TMCO4: variants seen among roughly 807,000 people sequenced by gnomAD.
The protein encoded by TMCO4 is transmembrane and coiled-coil domains 4, also known as transmembrane and coiled-coil domain-containing protein 4.
In TMCO4, 58 loss-of-function variants were observed where a neutral mutation model predicts 64.7. The observed-to-expected ratio is 0.90, with a 90% CI of 0.73 to 1.12. The LOEUF (loss-of-function observed/expected upper bound fraction) is 1.12, where lower values mean the gene tolerates loss of function less well. Ranked by LOEUF, TMCO4 falls within the 50% of genes most tolerant of loss-of-function variation. The pLI, the probability that TMCO4 is intolerant of heterozygous loss-of-function variation, is 0.00. For missense variants in TMCO4, 780 were observed against 825.9 expected, an observed-to-expected ratio of 0.94 and a Z score of 0.68; for synonymous variants, 325 against 346.1, an observed-to-expected ratio of 0.94 and a Z score of 0.68.
chr1:19,712,228 C>A (rs1243261008), intron 13 of TMCO4, among the ~76,000 whole-genome samples: 1 of 152,230 alleles, frequency 6.6e-6, no homozygotes, highest in African/African-American at 2.4e-5. Context: ...ACAACATTTA[C>A]TAAGTTCACC....
chr1:19,799,515 G>A (rs116776567), intron 1 of TMCO4, among the ~76,000 whole-genome samples: 2,646 of 152,326 alleles, frequency 0.017, 67 homozygotes, highest in African/African-American at 0.06. Context: ...TCAAGGGAGC[G>A]GCTGGGTGAC....
intron 2 of TMCO4, among the ~76,000 whole-genome samples, chr1:19,788,604 G>A (rs1321176784): frequency 6.6e-6 from 1 of 152,144 alleles, no homozygotes; most frequent in African/African-American, 2.4e-5. Context: ...GTGACAATCC[G>A]TTTTGTGCTT....
rs1479019018 is a variant in TMCO4, at chr1:19,700,829, C to A, written c.1321G>T (p.Ala441Ser). ...ILLGAPVEGEAKHWEPFRKVV... is the reference protein window; with the variant it reads ...ILLGAPVEGESKHWEPFRKVV... ...TTCCGGAAAGGCTCCCAATGCTTGG[C>A]TTCTCCCTCCACAGGCGCACCCAGC... The change falls in exon 14 of 16, where the codon GCC becomes TCC. Residue 441 changes from alanine (A) to serine (S), a missense_variant. Ala to Ser is a moderately conservative substitution (Grantham distance 99). Coordinates refer to ENST00000294543, the MANE Select transcript of TMCO4 (RefSeq NM_181719.7). The A allele has an allele frequency of 6.2e-7, 1 of 1,614,260 alleles. No homozygotes were observed. The highest frequency in any genetic ancestry group is 1.1e-5 in the South Asian group (1 of 91,084).
chr1:19,777,044 A>G (rs560106554), intron 4 of TMCO4, among the ~76,000 whole-genome samples: 43 of 151,542 alleles, frequency 2.8e-4, no homozygotes, highest in East Asian at 9.7e-4. Context: ...AAAAAAAAAA[A>G]AAAAAGAAAA....
intron 15 of TMCO4, among the ~76,000 whole-genome samples, chr1:19,689,814 T>C (rs1392822738): frequency 1.3e-5 from 2 of 152,252 alleles, no homozygotes; most frequent in African/African-American, 4.8e-5. Flanking sequence ...GCACCTTGAA[T>C]AGGACAGAGA....
At chr1:19,786,160 A>T (rs2043732479) in intron 3 of TMCO4, among the ~76,000 whole-genome samples, 1 of 152,218 alleles carries the variant, frequency 6.6e-6, no homozygotes, top group Non-Finnish European at 1.5e-5. Flanking sequence ...AGGCAGGAGC[A>T]TCGCTTAAGC....
At chr1:19,742,620 C>T (rs189644780) in intron 10 of TMCO4, among the ~76,000 whole-genome samples, 329 of 152,284 alleles carry the variant, frequency 2.2e-3, no homozygotes, top group African/African-American at 7.5e-3. Flanking sequence ...CACAGGACAG[C>T]GAGAAGCACA....
At chr1:19,729,392 C>G (rs1350554179) in intron 13 of TMCO4, among the ~76,000 whole-genome samples, 1 of 150,556 alleles carries the variant, frequency 6.6e-6, no homozygotes, top group Non-Finnish European at 1.5e-5. Flanking sequence ...AAGTGATCTG[C>G]CCACCTTGGC....
chr1:19,795,824 T>C (rs1052429099), intron 2 of TMCO4, among the ~76,000 whole-genome samples: 2 of 152,194 alleles, frequency 1.3e-5, no homozygotes, highest in Non-Finnish European at 2.9e-5. Flanking sequence ...AACCAGCAAA[T>C]TGGATGAATC....
chr1:19,751,294 G>A (rs1361613937), intron 7 of TMCO4, among the ~76,000 whole-genome samples: 1 of 152,194 alleles, frequency 6.6e-6, no homozygotes, highest in East Asian at 1.9e-4. Context: ...GGATGGACAT[G>A]TTGGCTAAAT....
chr1:19,687,151 C>T (rs1375088885), intron 15 of TMCO4, among the ~76,000 whole-genome samples: 2 of 152,116 alleles, frequency 1.3e-5, no homozygotes, highest in South Asian at 4.1e-4. Context: ...AGTATTTCAC[C>T]ATGTTGGCCG....
intron 6 of TMCO4, among the ~76,000 whole-genome samples, chr1:19,770,265 G>A (rs1299996979): frequency 1.3e-5 from 2 of 152,218 alleles, no homozygotes; most frequent in Non-Finnish European, 2.9e-5. Flanking sequence ...CCAGGGGCCT[G>A]GGTGGAGAGG....
At chr1:19,685,900 TG>T (rs2095145263) in intron 15 of TMCO4, among the ~76,000 whole-genome samples, 1 of 152,052 alleles carries the variant, frequency 6.6e-6, no homozygotes, top group Admixed American at 6.6e-5. Context: ...TAATTTTTTT[TG>T]TATTTTTAGT....
intron 4 of TMCO4, among the ~76,000 whole-genome samples, chr1:19,771,716 G>A (rs113624246): frequency 7.9e-5 from 12 of 152,244 alleles, no homozygotes; most frequent in African/African-American, 2.2e-4. Flanking sequence ...GAGTTCAGTC[G>A]TGCAATCTTG....
intron 4 of TMCO4, among the ~76,000 whole-genome samples, chr1:19,773,792 T>TCAA (rs2043090324): frequency 1.3e-5 from 2 of 152,140 alleles, no homozygotes; most frequent in Admixed American, 1.3e-4. Context: ...TAGTAGAGGC[T>TCAA]CAACTACATG....
At chr1:19,689,698 C>T (rs1020148479) in intron 15 of TMCO4, among the ~76,000 whole-genome samples, 2 of 152,232 alleles carry the variant, frequency 1.3e-5, no homozygotes, top group Non-Finnish European at 2.9e-5. Flanking sequence ...TTAAAAGCTA[C>T]TTTCTTCAGC....
chr1:19,744,177 C>A (rs1343424647), intron 10 of TMCO4, among the ~76,000 whole-genome samples: 1 of 151,834 alleles, frequency 6.6e-6, no homozygotes, highest in East Asian at 2.0e-4. Context: ...TTCCCGCACC[C>A]ACCCTGCTCT....
chr1:19,709,636 C>A (rs569850684), intron 13 of TMCO4, among the ~76,000 whole-genome samples: 1 of 152,094 alleles, frequency 6.6e-6, no homozygotes, highest in South Asian at 2.1e-4. Context: ...TTTTATCTTG[C>A]AAACATCATG....
intron 13 of TMCO4, among the ~76,000 whole-genome samples, chr1:19,705,747 G>C (rs747154682): frequency 6.6e-6 from 1 of 151,568 alleles, no homozygotes; most frequent in African/African-American, 2.4e-5. Flanking sequence ...ACCTATTTAG[G>C]TTAGGAAAAA....
Sources: allele counts gnomAD v4.1 joint callset (sites outside exome capture counted in the v4.1 genomes callset), GRCh38; gene constraint gnomAD v4.1.1; transcripts MANE v1.5; gene names NCBI Gene and HGNC (gene_info 2026-07-23, HGNC 2026-07-21).